Variants in CHIC2 observed in about 807,000 individuals in gnomAD.
CHIC2 encodes cysteine rich hydrophobic domain 2.
Under a neutral mutation model 25.9 loss-of-function variants are expected in CHIC2, and 14 were observed. That is an observed-to-expected ratio of 0.54 (90% CI 0.36 to 0.85). The LOEUF (loss-of-function observed/expected upper bound fraction) is 0.85, where lower values mean the gene tolerates loss of function less well. Ranked by LOEUF, CHIC2 falls within the 40% of genes least tolerant of loss-of-function variation. CHIC2 has a pLI of 0.01. For synonymous variants in CHIC2, 70 were observed against 72.0 expected (o/e 0.97, Z 0.14); for missense variants, 146 against 202.0 (o/e 0.72, Z 1.68).
At chr4:54,024,209 T>C (rs1023048938) in intron 3 of CHIC2, among the ~76,000 whole-genome samples, 6 of 152,172 alleles carry the variant, frequency 3.9e-5, no homozygotes, top group Non-Finnish European at 7.3e-5. Context: ...GCCCATTCTA[T>C]TCTGTCGTCA....
At chr4:54,039,333 A>C (rs1211182712) in intron 3 of CHIC2, among the ~76,000 whole-genome samples, 1 of 152,230 alleles carries the variant, frequency 6.6e-6, no homozygotes, top group African/African-American at 2.4e-5. Flanking sequence ...CGTATCTGCC[A>C]GGGGACTTAT....
intron 3 of CHIC2, among the ~76,000 whole-genome samples, chr4:54,031,175 A>T (rs886351764): frequency 1.5e-4 from 19 of 128,456 alleles, no homozygotes; most frequent in African/African-American, 6.0e-4. Context: ...ATTAAAAGGA[A>T]AGGAAAAAAA....
the CHIC2 span, among the ~76,000 whole-genome samples, chr4:54,080,535 G>A: frequency 6.6e-6 from 1 of 151,952 alleles, no homozygotes; most frequent in African/African-American, 2.4e-5. Context: ...GAAGGCTGAG[G>A]CAGGTGGATC....
the CHIC2 span, among the ~76,000 whole-genome samples, chr4:54,080,007 AC>A: frequency 6.6e-6 from 1 of 151,774 alleles, no homozygotes; most frequent in African/African-American, 2.4e-5. Flanking sequence ...ATGTAGTCAA[AC>A]AAAATGAAAT....
At chr4:54,018,616 A>C (rs1258178679) in intron 3 of CHIC2, among the ~76,000 whole-genome samples, 3 of 152,076 alleles carry the variant, frequency 2.0e-5, no homozygotes, top group African/African-American at 7.2e-5. Context: ...AAATCTCATA[A>C]ATTTTAGAGT....
chr4:54,067,512 C>A (rs981853734), upstream of CHIC2, among the ~76,000 whole-genome samples: 1 of 152,106 alleles, frequency 6.6e-6, no homozygotes, highest in African/African-American at 2.4e-5. Flanking sequence ...AACTCCTCCC[C>A]CAATTTCTTC....
chr4:54,086,594 T>A, the CHIC2 span, among the ~76,000 whole-genome samples: 1 of 152,254 alleles, frequency 6.6e-6, no homozygotes, highest in East Asian at 1.9e-4. Flanking sequence ...AAGTGATGAC[T>A]GCTATGGGAG....
At chr4:54,084,378 A>C in the CHIC2 span, among the ~76,000 whole-genome samples, 1 of 152,204 alleles carries the variant, frequency 6.6e-6, no homozygotes, top group East Asian at 1.9e-4. Flanking sequence ...AGCTAAGTAC[A>C]CTAAGAGTCC....
chr4:54,076,281 G>C, the CHIC2 span, among the ~76,000 whole-genome samples: 1 of 150,724 alleles, frequency 6.6e-6, no homozygotes, highest in African/African-American at 2.4e-5. Flanking sequence ...GTGAAAATCT[G>C]TCTCAAAAAA....
At chr4:54,052,895 A>G (rs180983528) in intron 1 of CHIC2, among the ~76,000 whole-genome samples, 235 of 152,340 alleles carry the variant, frequency 1.5e-3, no homozygotes, top group African/African-American at 5.4e-3. Context: ...GATTAAATTT[A>G]TGCATAAACA....
intron 3 of CHIC2, among the ~76,000 whole-genome samples, chr4:54,035,377 T>C (rs543248843): frequency 5.3e-5 from 8 of 152,280 alleles, no homozygotes; most frequent in African/African-American, 1.9e-4. Flanking sequence ...GGAATTTTCT[T>C]TGTTGGAAGT....
intron 3 of CHIC2, among the ~76,000 whole-genome samples, chr4:54,043,577 AAAATACTTTACAGAC>A (rs1422585467): frequency 1.3e-5 from 2 of 152,204 alleles, no homozygotes; most frequent in African/African-American, 4.8e-5. Context: ...AAGGAGAAAT[AAAATACTTTACAGAC>A]AAGCAAATGC....
chr4:54,055,920 T>A lies in CHIC2; in HGVS notation c.120-6615A>T, dbSNP rs536354968. 4.6e-5 allele frequency among the ~76,000 whole-genome samples: 7 copies of A among 152,280 alleles called. No individual in the cohort carries two copies. In the South Asian group the frequency reaches 1.5e-3, roughly 32 times the overall value. ...TACAGAGACCCTGGAGTTGGAGACG[T>A]ATATTTGGGTTTCAGAATAATTCTA... On this transcript the variant is annotated intron_variant, in intron 1 of 5. Transcript: ENST00000263921.
At chr4:54,038,849 C>G (rs1411205393) in intron 3 of CHIC2, among the ~76,000 whole-genome samples, 1 of 151,948 alleles carries the variant, frequency 6.6e-6, no homozygotes, top group Non-Finnish European at 1.5e-5. Flanking sequence ...CAGCAAGACC[C>G]TGTCTCCTTT....
intron 3 of CHIC2, among the ~76,000 whole-genome samples, chr4:54,035,647 A>C (rs530505713): frequency 2.8e-4 from 43 of 152,228 alleles, no homozygotes; most frequent in African/African-American, 9.6e-4. Context: ...GAGATTTATT[A>C]ATTTTATTGA....
intron 1 of CHIC2, among the ~76,000 whole-genome samples, chr4:54,053,399 A>G (rs555480454): frequency 6.6e-6 from 1 of 152,198 alleles, no homozygotes; most frequent in African/African-American, 2.4e-5. Context: ...ACTACTAAAA[A>G]TGCAAAAATA....
intron 3 of CHIC2, among the ~76,000 whole-genome samples, chr4:54,040,429 C>T (rs764970215): frequency 5.3e-5 from 8 of 151,192 alleles, no homozygotes; most frequent in African/African-American, 1.5e-4. Context: ...TAGCCGAGCA[C>T]GGTGGCTCAC....
chr4:54,042,894 T>A (rs1716623314), intron 3 of CHIC2, among the ~76,000 whole-genome samples: 1 of 152,252 alleles, frequency 6.6e-6, no homozygotes, highest in Admixed American at 6.5e-5. Context: ...TTAGTAGGAA[T>A]ATATCTTTTA....
At chr4:54,011,824 AAT>A (rs148063886) in intron 5 of CHIC2, among the ~76,000 whole-genome samples, 19 of 150,132 alleles carry the variant, frequency 1.3e-4, no homozygotes, top group Admixed American at 2.7e-4. Context: ...GCCAAGGTGG[AAT>A]ATATATATAT....
Sources: allele counts gnomAD v4.1 joint callset (sites outside exome capture counted in the v4.1 genomes callset), GRCh38; gene constraint gnomAD v4.1.1; transcripts MANE v1.5; gene names NCBI Gene and HGNC (gene_info 2026-07-23, HGNC 2026-07-21).